MGAT4C: variants seen among roughly 807,000 people sequenced by gnomAD.
The protein encoded by MGAT4C is MGAT4 family member C.
MGAT4C carries 19 observed loss-of-function variants against 40.1 expected under a neutral mutation model. That is an observed-to-expected ratio of 0.47 (90% CI 0.33 to 0.70). The LOEUF is 0.70. Among genes scored for constraint, MGAT4C ranks in the 30% least tolerant of loss-of-function variants. The pLI, the probability that MGAT4C is intolerant of heterozygous loss-of-function variation, is 0.02. For missense variants in MGAT4C, 491 were observed against 563.2 expected (o/e 0.87, Z 1.30); for synonymous variants, 181 against 187.1 (o/e 0.97, Z 0.27).
intron 1 of MGAT4C, among the ~76,000 whole-genome samples, chr12:86,089,210 A>G (rs1404742671): frequency 6.6e-6 from 1 of 152,034 alleles, no homozygotes; most frequent in Non-Finnish European, 1.5e-5. Context: ...TGTGAAATAC[A>G]TGTAAACACT....
At position 86,513,692 on chromosome 12, in the gene MGAT4C, A is replaced by C. The variant is rs113389947; in HGVS notation, c.-228-78427T>G. On this transcript the variant is annotated intron_variant, in intron 2 of 7. Coordinates refer to the MGAT4C transcript ENST00000548651. ...GAGACTTTCAAGTATCTGTACCTTC[A>C]TAACAGCAATGACAACACTAGCAAA... 3.2e-3 allele frequency among the ~76,000 whole-genome samples: 490 copies of C among 152,320 alleles called. 1 individual carries two copies. Among genetic ancestry groups the C allele is most frequent in the African/African-American group, 0.011 (473 of 41,576 alleles).
intron 1 of MGAT4C, among the ~76,000 whole-genome samples, chr12:86,769,232 G>T (rs917396799): frequency 6.6e-6 from 1 of 152,136 alleles, no homozygotes; most frequent in Non-Finnish European, 1.5e-5. Flanking sequence ...CTTCTCAAAA[G>T]AAGACATTTA....
intron 3 of MGAT4C, among the ~76,000 whole-genome samples, chr12:86,402,598 G>A (rs1244369252): frequency 6.6e-6 from 1 of 152,086 alleles, no homozygotes; most frequent in Non-Finnish European, 1.5e-5. Context: ...GATATCAGTA[G>A]ACAGAGATAT....
intron 3 of MGAT4C, among the ~76,000 whole-genome samples, chr12:86,432,597 G>A (rs1291323666): frequency 6.6e-6 from 1 of 151,908 alleles, no homozygotes; most frequent in Non-Finnish European, 1.5e-5. Flanking sequence ...CAGATTGGGA[G>A]GTAAGCTTTG....
At chr12:86,184,333 C>T (rs1192584060) in intron 1 of MGAT4C, among the ~76,000 whole-genome samples, 2 of 150,520 alleles carry the variant, frequency 1.3e-5, no homozygotes, top group Non-Finnish European at 3.0e-5. Context: ...GCTGAGATTG[C>T]GCACTGCACT....
chr12:86,275,062 G>T (rs1158818675), intron 4 of MGAT4C, among the ~76,000 whole-genome samples: 1 of 152,084 alleles, frequency 6.6e-6, no homozygotes, highest in Non-Finnish European at 1.5e-5. Flanking sequence ...GGTTGTTCAA[G>T]GAAAACAAAG....
intron 2 of MGAT4C, among the ~76,000 whole-genome samples, chr12:86,704,092 G>A (rs186888282): frequency 6.6e-6 from 1 of 151,950 alleles, no homozygotes; most frequent in Non-Finnish European, 1.5e-5. Context: ...AATAATAAGA[G>A]CTAATTATAA....
intron 2 of MGAT4C, among the ~76,000 whole-genome samples, chr12:85,995,438 A>G (rs900070032): frequency 1.3e-5 from 2 of 152,176 alleles, no homozygotes; most frequent in Non-Finnish European, 2.9e-5. Flanking sequence ...TAGAGAAAGA[A>G]CCATAAAAAA....
chr12:86,629,340 T>A (rs1475142422), intron 2 of MGAT4C, among the ~76,000 whole-genome samples: 9 of 152,092 alleles, frequency 5.9e-5, no homozygotes, highest in Non-Finnish European at 8.8e-5. Flanking sequence ...ATCAGACAGA[T>A]CAATGAGACA....
chr12:86,303,936 A>G (rs1020525987), intron 4 of MGAT4C, among the ~76,000 whole-genome samples: 3 of 149,826 alleles, frequency 2.0e-5, no homozygotes, highest in Non-Finnish European at 4.4e-5. Context: ...CTCTCTCTCA[A>G]CCTCTATATA....
chr12:86,028,103 C>G (rs1183193322), intron 2 of MGAT4C: 1 of 1,283,898 alleles, frequency 7.8e-7, no homozygotes, highest in East Asian at 5.6e-5. Flanking sequence ...CTAAATAATA[C>G]CTTGCATCTT....
At chr12:86,643,508 A>G (rs1963451017) in intron 2 of MGAT4C, among the ~76,000 whole-genome samples, 1 of 151,912 alleles carries the variant, frequency 6.6e-6, no homozygotes, top group Non-Finnish European at 1.5e-5. Flanking sequence ...ATATTGATCT[A>G]TAAAAATGAA....
intron 1 of MGAT4C, among the ~76,000 whole-genome samples, chr12:86,242,225 G>A (rs965523444): frequency 6.6e-6 from 1 of 152,084 alleles, no homozygotes; most frequent in Non-Finnish European, 1.5e-5. Context: ...TTATAGAGCT[G>A]CACCCATTCA....
chr12:86,641,514 TATA>T (rs1218209785), intron 2 of MGAT4C, among the ~76,000 whole-genome samples: 2 of 151,292 alleles, frequency 1.3e-5, no homozygotes, highest in Non-Finnish European at 3.0e-5. Context: ...AAACTTAAAG[TATA>T]ATAATAATAA....
At chr12:86,812,501 G>T (rs1161596795) in intron 1 of MGAT4C, among the ~76,000 whole-genome samples, 1 of 151,962 alleles carries the variant, frequency 6.6e-6, no homozygotes, top group African/African-American at 2.4e-5. Context: ...ACACAATTGG[G>T]ATTGTTAGGT....
At chr12:86,028,918 G>A (rs1321704522) in intron 2 of MGAT4C, among the ~76,000 whole-genome samples, 2 of 151,742 alleles carry the variant, frequency 1.3e-5, no homozygotes, top group Non-Finnish European at 2.9e-5. Context: ...TAATTATTGT[G>A]CTTACTATTT....
chr12:86,146,516 T>C (rs1883534349), intron 1 of MGAT4C, among the ~76,000 whole-genome samples: 1 of 152,140 alleles, frequency 6.6e-6, no homozygotes, highest in Non-Finnish European at 1.5e-5. Context: ...TAGAATGTTA[T>C]CTACTGGTTT....
At chr12:86,186,291 G>A (rs1017233378) in intron 1 of MGAT4C, among the ~76,000 whole-genome samples, 1 of 152,052 alleles carries the variant, frequency 6.6e-6, no homozygotes, top group Non-Finnish European at 1.5e-5. Flanking sequence ...GTTCAAGCTA[G>A]CACCAATCCC....
chr12:86,381,184 G>A (rs752640419), intron 3 of MGAT4C, among the ~76,000 whole-genome samples: 26 of 152,070 alleles, frequency 1.7e-4, no homozygotes, highest in Admixed American at 5.2e-4. Context: ...CATTTGTCAC[G>A]TGGCTGTCAA....
Sources: gnomAD v4.1 joint callset for allele counts (sites outside exome capture counted in the v4.1 genomes callset) on GRCh38, gnomAD v4.1.1 for gene constraint, MANE v1.5 for transcripts, NCBI Gene and HGNC (gene_info 2026-07-23, HGNC 2026-07-21) for gene names.